PRRG1: variants seen among roughly 807,000 people sequenced by gnomAD.
PRRG1 encodes the protein proline rich and Gla domain 1.
Under a neutral mutation model 11.8 loss-of-function variants are expected in PRRG1, and 5 were observed. The observed-to-expected ratio is 0.42, with a 90% CI of 0.22 to 0.89. PRRG1 has a LOEUF of 0.89. Among genes scored for constraint, PRRG1 ranks in the 40% least tolerant of loss-of-function variants. PRRG1 has a pLI of 0.28. For synonymous variants in PRRG1, 66 were observed against 60.4 expected (o/e 1.09, Z -0.43); for missense variants, 155 against 166.1 (o/e 0.93, Z 0.37).
At chrX:37,403,843 C>G in intron 1 of PRRG1, 1 of 598,786 alleles carries the variant, frequency 1.7e-6, no homozygotes, top group South Asian at 8.7e-5. Context: ...AGCCTTTTAT[C>G]TCTCTAAGAA....
chrX:37,418,508 A>G (rs1182346190), intron 2 of PRRG1, among the ~76,000 whole-genome samples: 1 of 112,316 alleles, frequency 8.9e-6, no homozygotes, highest in Non-Finnish European at 1.9e-5. Context: ...TTTCAATTTG[A>G]GCAAATATAT....
At chrX:37,399,954 C>T (rs1434134830) in intron 1 of PRRG1, among the ~76,000 whole-genome samples, 1 of 111,257 alleles carries the variant, frequency 9.0e-6, no homozygotes, top group Non-Finnish European at 1.9e-5. Flanking sequence ...TATATGCACC[C>T]AATACAGGAG....
chrX:37,431,721 T>G (rs1466312351), intron 3 of PRRG1, among the ~76,000 whole-genome samples: 8 of 111,877 alleles, frequency 7.2e-5, no homozygotes, highest in African/African-American at 2.6e-4. Context: ...ACTCTCGTAT[T>G]GATTAAGTTT....
chrX:37,420,668 C>CAAAAAAA (rs1302856034), intron 2 of PRRG1, among the ~76,000 whole-genome samples: 9 of 29,479 alleles, frequency 3.1e-4, no homozygotes, highest in African/African-American at 1.1e-3. Context: ...CCCGTCTATG[C>CAAAAAAA]AAAAAAAAAA....
chrX:37,399,882 A>G (rs1931896008), intron 1 of PRRG1, among the ~76,000 whole-genome samples: 1 of 110,015 alleles, frequency 9.1e-6, no homozygotes, highest in Admixed American at 9.7e-5. Flanking sequence ...AAAGAGACAA[A>G]GAAGGCCATT....
At chrX:37,445,765 A>G (rs1328240396) in intron 3 of PRRG1, among the ~76,000 whole-genome samples, 8 of 112,848 alleles carry the variant, frequency 7.1e-5, no homozygotes, top group Non-Finnish European at 1.1e-4. Context: ...GTTGGAAACA[A>G]TATGGCCTAA....
chrX:37,354,642 C>T (rs1930182458), intron 1 of PRRG1, among the ~76,000 whole-genome samples: 2 of 110,443 alleles, frequency 1.8e-5, no homozygotes, highest in Admixed American at 1.9e-4. Flanking sequence ...ATCCGCCTGC[C>T]TCGGCCTCCC....
intron 1 of PRRG1, among the ~76,000 whole-genome samples, chrX:37,368,476 G>A (rs1290067984): frequency 9.0e-6 from 1 of 111,107 alleles, no homozygotes; most frequent in African/African-American, 3.3e-5. Flanking sequence ...TCTTCTGATG[G>A]CCATTCTAGC....
intron 1 of PRRG1, among the ~76,000 whole-genome samples, chrX:37,367,112 A>G (rs1930595753): frequency 8.9e-6 from 1 of 112,007 alleles, no homozygotes; most frequent in African/African-American, 3.3e-5. Context: ...CCATATAAGC[A>G]TCTGTAAAAC....
At chrX:37,431,706 C>G (rs1230795562) in intron 3 of PRRG1, among the ~76,000 whole-genome samples, 1 of 111,508 alleles carries the variant, frequency 9.0e-6, no homozygotes, top group African/African-American at 3.3e-5. Flanking sequence ...ATTGTATATT[C>G]TACTACTCTC....
chrX:37,406,085 G>T, intron 1 of PRRG1, 124 bp from the exon 2 acceptor site: 1 of 532,404 alleles, frequency 1.9e-6, no homozygotes, highest in Non-Finnish European at 2.9e-6. Flanking sequence ...ATGTAAGGGA[G>T]AAAGATTGGA....
chrX:37,429,824 C>T (rs1305969917), intron 3 of PRRG1, among the ~76,000 whole-genome samples: 1 of 111,987 alleles, frequency 8.9e-6, no homozygotes, highest in Non-Finnish European at 1.9e-5. Flanking sequence ...TTTAATTGGA[C>T]TTACAGTTCC....
At chrX:37,374,041 G>A (rs1556371486) in intron 1 of PRRG1, among the ~76,000 whole-genome samples, 1 of 111,672 alleles carries the variant, frequency 9.0e-6, no homozygotes, top group Non-Finnish European at 1.9e-5. Flanking sequence ...TATAGTTTTT[G>A]TCTATCATTC....
intron 1 of PRRG1, among the ~76,000 whole-genome samples, chrX:37,383,959 A>G (rs1178313771): frequency 5.4e-5 from 6 of 110,356 alleles, no homozygotes; most frequent in Non-Finnish European, 1.1e-4. Context: ...TCTTACTAAA[A>G]TTTAATCGGT....
At chrX:37,445,142 G>A (rs781877582) in intron 3 of PRRG1, among the ~76,000 whole-genome samples, 22 of 111,841 alleles carry the variant, frequency 2.0e-4, no homozygotes, top group African/African-American at 7.1e-4. Flanking sequence ...AACTAAAATC[G>A]ATACATCATC....
chrX:37,368,452 G>A (rs1930649395), intron 1 of PRRG1, among the ~76,000 whole-genome samples: 1 of 111,281 alleles, frequency 9.0e-6, no homozygotes, highest in Non-Finnish European at 1.9e-5. Flanking sequence ...TAATACATTT[G>A]TTTTTTATAT....
chrX:37,423,595 C>T (rs1431815362), intron 2 of PRRG1, among the ~76,000 whole-genome samples: 1 of 109,739 alleles, frequency 9.1e-6, no homozygotes, highest in Non-Finnish European at 1.9e-5. Flanking sequence ...TCTCGAACTC[C>T]TGGGCTCAAG....
intron 2 of PRRG1, among the ~76,000 whole-genome samples, chrX:37,418,382 A>G (rs1205390110): frequency 8.9e-6 from 1 of 111,912 alleles, no homozygotes; most frequent in South Asian, 3.7e-4. Context: ...GAAATTTACA[A>G]TTAAGCTGGA....
chrX:37,365,615 G>T (rs1286626318), intron 1 of PRRG1, among the ~76,000 whole-genome samples: 4 of 111,946 alleles, frequency 3.6e-5, no homozygotes, highest in African/African-American at 1.3e-4. Context: ...TTTGTTGGAG[G>T]TTCTCCAGCC....
Sources: gnomAD v4.1 joint callset for allele counts (sites outside exome capture counted in the v4.1 genomes callset) on GRCh38, gnomAD v4.1.1 for gene constraint, MANE v1.5 for transcripts, NCBI Gene and HGNC (gene_info 2026-07-23, HGNC 2026-07-21) for gene names.